Variants in APOLD1 observed in about 807,000 individuals in gnomAD.
The protein encoded by APOLD1 is apolipoprotein L domain containing 1.
APOLD1 carries 22 observed loss-of-function variants against 15.3 expected under a neutral mutation model. The ratio of observed to expected loss-of-function variants is 1.44; its 90% CI spans 1.03 to 2.05. The LOEUF (loss-of-function observed/expected upper bound fraction) is 2.05. APOLD1 is among the 30% of genes most tolerant of loss of function. The pLI is 0.00. For synonymous variants in APOLD1, 190 were observed against 167.4 expected (o/e 1.13, Z -1.04); for missense variants, 394 against 353.5 (o/e 1.11, Z -0.92).
intron 1 of APOLD1, among the ~76,000 whole-genome samples, chr12:12,735,340 C>T (rs887844850): frequency 6.6e-6 from 1 of 152,070 alleles, no homozygotes; most frequent in Admixed American, 6.6e-5. Flanking sequence ...AAACAGGGGC[C>T]CTGACCTAGA....
chr12:12,731,809 G>C (rs1052138187), intron 1 of APOLD1, among the ~76,000 whole-genome samples: 5 of 152,118 alleles, frequency 3.3e-5, no homozygotes, highest in African/African-American at 7.2e-5. Flanking sequence ...TCTACCTAAG[G>C]GTTAGTGATA....
chr12:12,782,534 A>G (rs563249111), upstream of APOLD1, among the ~76,000 whole-genome samples: 50 of 152,340 alleles, frequency 3.3e-4, no homozygotes, highest in Middle Eastern at 0.014. Context: ...AGTTTAACAC[A>G]GTGACAACTT....
intron 1 of APOLD1, among the ~76,000 whole-genome samples, chr12:12,732,813 G>A (rs1019903017): frequency 6.6e-5 from 10 of 151,382 alleles, no homozygotes; most frequent in African/African-American, 2.4e-4. Context: ...ATAATCAGAC[G>A]TATGACTAAA....
chr12:12,739,816 CTTT>C (rs35885205), intron 1 of APOLD1, among the ~76,000 whole-genome samples: 65 of 111,692 alleles, frequency 5.8e-4, no homozygotes, highest in South Asian at 1.5e-3. Context: ...CCAGATCCTA[CTTT>C]TTTTTTTTTT....
rs1947165389 is a variant in APOLD1 at position 12,789,568 on chromosome 12, C to T, written c.*1916C>T. On this transcript the variant is annotated 3_prime_UTR_variant, in exon 2 of 2. Transcript: ENST00000356591. ...AGAACTTGCAAGCCTGATGTCCTATCAAGTTATGTCTTCTGGGTGACAGAC... is the reference window on the plus strand; with the variant it reads ...AGAACTTGCAAGCCTGATGTCCTATTAAGTTATGTCTTCTGGGTGACAGAC... 6.6e-6 allele frequency: 1 copy of T among 152,228 alleles called. No individual in the cohort carries two copies. The highest frequency in any genetic ancestry group is 1.5e-5 in the Non-Finnish European group (1 of 68,034). The allele number at this position is 152,228 out of a possible 1,614,324, so 9.4% of individuals were successfully genotyped here.
At chr12:12,730,071 T>A (rs972387633) in intron 1 of APOLD1, among the ~76,000 whole-genome samples, 1 of 61,298 alleles carries the variant, frequency 1.6e-5, no homozygotes, top group South Asian at 5.3e-4. Context: ...TGTGTGTGTG[T>A]GTGTGTGAGA....
chr12:12,784,858 C>T (rs538555690), upstream of APOLD1, among the ~76,000 whole-genome samples: 49 of 152,188 alleles, frequency 3.2e-4, no homozygotes, highest in Non-Finnish European at 6.5e-4. Flanking sequence ...AAAATAATTG[C>T]CCTTCAGCCC....
intron 1 of APOLD1, chr12:12,771,600 C>T (rs1946987762): frequency 2.0e-6 from 1 of 510,856 alleles, no homozygotes; most frequent in Admixed American, 2.1e-5. Flanking sequence ...GGCATCGAGG[C>T]CTGTGTCCTG....
At chr12:12,728,665 CAAAAAAAAAAA>C (rs58877184) in intron 1 of APOLD1, among the ~76,000 whole-genome samples, 15,898 of 62,776 alleles carry the variant, frequency 0.25, 1,308 homozygotes, top group East Asian at 0.43. Flanking sequence ...GACCCTGTCT[CAAAAAAAAAAA>C]AAAAAAAAAA....
At chr12:12,754,832 C>A (rs1433891045) in intron 1 of APOLD1, among the ~76,000 whole-genome samples, 1 of 145,392 alleles carries the variant, frequency 6.9e-6, no homozygotes, top group Non-Finnish European at 1.5e-5. Flanking sequence ...TTGAGGCCAG[C>A]AGTTTGAGAC....
chr12:12,789,061 C>T lies in APOLD1; in HGVS notation c.*1409C>T, dbSNP rs1378624278. ...GAAACTGACCTTTGTCTATTATTAC[C>T]TTCTCTGAAAAGTGCCAGTCCATGT... is the stretch of plus-strand genomic sequence containing the variant. On this transcript the variant is annotated 3_prime_UTR_variant, in exon 2 of 2. Transcript: ENST00000356591. The T allele has an allele frequency of 6.6e-6, 1 of 152,184 alleles. No homozygotes were observed. The highest frequency in any genetic ancestry group is 1.9e-4 in the East Asian group (1 of 5,202). 9.4% of individuals were successfully genotyped at this position (152,184 alleles called of 1,614,324 possible). A position where few individuals can be genotyped will look rare whatever the true frequency, so the allele number is the denominator to read the frequency against.
At chr12:12,761,857 A>C (rs1946903175) in intron 1 of APOLD1, among the ~76,000 whole-genome samples, 1 of 146,996 alleles carries the variant, frequency 6.8e-6, no homozygotes, top group South Asian at 2.2e-4. Context: ...AGAGAGAGAG[A>C]GAGAGTCTTG....
chr12:12,763,701 C>T (rs978078473), intron 1 of APOLD1, among the ~76,000 whole-genome samples: 4 of 152,080 alleles, frequency 2.6e-5, no homozygotes, highest in Admixed American at 2.6e-4. Flanking sequence ...TTAGCATCCT[C>T]GCATTTCTGT....
At chr12:12,756,387 GAT>G (rs1946858135) in intron 1 of APOLD1, among the ~76,000 whole-genome samples, 1 of 152,182 alleles carries the variant, frequency 6.6e-6, no homozygotes, top group South Asian at 2.1e-4. Context: ...ACCTTTTAAG[GAT>G]AATTCTAGGC....
At chr12:12,726,718 T>G (rs1390846083) in intron 1 of APOLD1, among the ~76,000 whole-genome samples, 1 of 152,154 alleles carries the variant, frequency 6.6e-6, no homozygotes, top group African/African-American at 2.4e-5. Context: ...CCCCAATCCT[T>G]CTTAGCCTAA....
intron 1 of APOLD1, among the ~76,000 whole-genome samples, chr12:12,774,600 A>AAAAG (rs1349908924): frequency 6.6e-6 from 1 of 151,354 alleles, no homozygotes; most frequent in Non-Finnish European, 1.5e-5. Flanking sequence ...TAAAGAAAAG[A>AAAAG]AAAGAAAGAA....
At chr12:12,737,680 G>A (rs115329782) in intron 1 of APOLD1, among the ~76,000 whole-genome samples, 4,832 of 152,194 alleles carry the variant, frequency 0.032, 151 homozygotes, top group African/African-American at 0.071. Context: ...AAGTGAGAAG[G>A]AGGGAGCTGG....
chr12:12,763,107 G>C (rs1291588475), intron 1 of APOLD1, among the ~76,000 whole-genome samples: 1 of 152,042 alleles, frequency 6.6e-6, no homozygotes, highest in Non-Finnish European at 1.5e-5. Flanking sequence ...CTGGGTGACA[G>C]AGCAAGACCC....
intron 1 of APOLD1, chr12:12,764,673 G>T: frequency 2.0e-6 from 1 of 495,964 alleles, no homozygotes; most frequent in Non-Finnish European, 4.2e-6. Context: ...CAAGTGTGAA[G>T]GGACCCTTCC....
Sources: allele counts gnomAD v4.1 joint callset (sites outside exome capture counted in the v4.1 genomes callset), GRCh38; gene constraint gnomAD v4.1.1; transcripts MANE v1.5; gene names NCBI Gene and HGNC (gene_info 2026-07-23, HGNC 2026-07-21).